The following GPC2 variants were observed in gnomAD, a reference collection of about 807,000 sequenced individuals.
GPC2 encodes glypican 2, also known as glypican-2.
In GPC2, 42 loss-of-function variants were observed where a neutral mutation model predicts 57.3. The ratio of observed to expected loss-of-function variants is 0.73; its 90% CI spans 0.57 to 0.95. The LOEUF is 0.95. Ranked by LOEUF, GPC2 falls within the 40% of genes least tolerant of loss-of-function variation. The pLI is 0.00. For missense variants in GPC2, 745 were observed against 793.6 expected (o/e 0.94, Z 0.74); for synonymous variants, 364 against 343.4 (o/e 1.06, Z -0.66).
chr7:100,176,458 T>C lies in GPC2; in HGVS notation c.167-93A>G. The C allele has an allele frequency of 3.4e-6, 4 of 1,187,930 alleles. No homozygotes were observed. In the East Asian group the frequency reaches 9.4e-5, roughly 28 times the overall value. 73.6% of individuals were successfully genotyped at this position (1,187,930 alleles called of 1,614,324 possible). On this transcript the variant is annotated intron_variant, in intron 1 of 9. Coordinates refer to ENST00000292377, the MANE Select transcript of GPC2 (RefSeq NM_152742.3). ...TCTCTGGGGACTATGCCTTCTCTTC[T>C]ACCTGCCTGGTCTCTTTTCTATTGT...
intron 2 of GPC2, 72 bp from the exon 3 acceptor site, chr7:100,175,966 G>C: frequency 7.9e-7 from 1 of 1,266,754 alleles, no homozygotes; most frequent in South Asian, 1.3e-5. Flanking sequence ...AACAGGCAGA[G>C]GCAGGAGGAG....
chr7:100,174,675 A>C lies in GPC2; in HGVS notation c.729+10T>G, dbSNP rs10252037. Reference sequence around the variant, plus strand: ...CCCTGGGCCCTGCCCATACTCAGGCACCCTCCAACCTTAAGCGCTTCGCTG... The same window carrying C: ...CCCTGGGCCCTGCCCATACTCAGGCCCCCTCCAACCTTAAGCGCTTCGCTG... On this transcript the variant is annotated intron_variant, in intron 4 of 9. Transcript: ENST00000292377. The C allele has an allele frequency of 1, 1,605,799 of 1,606,426 alleles. 802,588 individuals are homozygous for C. The highest frequency in any genetic ancestry group is 1 in the East Asian group (44,840 of 44,840).
In GPC2 at chr7:100,175,575, C is replaced by T. The variant is rs1489484974; in HGVS notation, c.645G>A (p.Leu215=). The T allele has an allele frequency of 3.1e-6, 5 of 1,605,436 alleles. No individual in the cohort carries two copies. The South Asian group carries it at 4.4e-5, about 14-fold the overall frequency. The change falls in exon 3 of 10, where the codon CTG becomes CTA. Residue 215 remains leucine (L), a synonymous_variant. Coordinates refer to ENST00000292377, the MANE Select transcript of GPC2 (RefSeq NM_152742.3). Reference sequence around the variant, plus strand: ...CTCAGGCCTCAGGATCCCTCACCTGCAGGCGGAGGCGGCGGGGTGAGTCCC... The same window carrying T: ...CTCAGGCCTCAGGATCCCTCACCTGTAGGCGGAGGCGGCGGGGTGAGTCCC... ...PFGDSPRRLR[L]QITRTLVAAR...
Position 100,171,505 on chromosome 7 carries a change from C to T in GPC2, c.1310+34G>A. On this transcript the variant is annotated intron_variant, in intron 8 of 9. Coordinates refer to ENST00000292377, the MANE Select transcript of GPC2 (RefSeq NM_152742.3). The surrounding 1 kb of genome is among the most constrained non-coding windows in gnomAD (Gnocchi z 4.8). ...CCCGCCCCTCCCGGCCGCGGTCCCGCCCCCTGCTGCCCCCCGACGCCCCCG... is the reference window on the plus strand; with the variant it reads ...CCCGCCCCTCCCGGCCGCGGTCCCGTCCCCTGCTGCCCCCCGACGCCCCCG... 1.5e-6 allele frequency: 2 copies of T among 1,350,554 alleles called. No homozygotes were observed. Among genetic ancestry groups the T allele is most frequent in the South Asian group, 3.7e-5 (2 of 54,038 alleles). 83.7% of individuals were successfully genotyped at this position (1,350,554 alleles called of 1,614,324 possible). A position where few individuals can be genotyped will look rare whatever the true frequency, so the allele number is the denominator to read the frequency against.
chr7:100,176,080 G>C (rs1799270663), intron 2 of GPC2, 127 bp downstream of exon 2: 2 of 920,376 alleles, frequency 2.2e-6, no homozygotes, highest in Admixed American at 2.6e-5. Context: ...CAGAGTCTGG[G>C]GGGTGGGCGG....
intron 3 of GPC2, among the ~76,000 whole-genome samples, chr7:100,175,002 TAGAG>T (rs199875276): frequency 3.0e-4 from 45 of 152,022 alleles, no homozygotes; most frequent in African/African-American, 1.1e-3. Flanking sequence ...GTACAGGGCT[TAGAG>T]AGAGAGAAAT....
rs746841009 is a variant in GPC2, at chr7:100,176,999, A to G, written c.166+35T>C. ...TGAGGAGGCCCCGCCCCCGCCCCCC[A>G]CCCCCAATTCTCTAGTCTTCCTCTT... On this transcript the variant is annotated intron_variant, in intron 1 of 9. Transcript: ENST00000292377. 5.5e-5 allele frequency: 12 copies of G among 218,252 alleles called. 1 individual carries two copies. Among genetic ancestry groups the G allele is most frequent in the African/African-American group, 1.6e-4 (4 of 24,810 alleles). 13.5% of individuals were successfully genotyped at this position (218,252 alleles called of 1,614,324 possible). A position where few individuals can be genotyped will look rare whatever the true frequency, so the allele number is the denominator to read the frequency against.
intron 4 of GPC2, chr7:100,174,439 C>A: frequency 1.7e-6 from 1 of 599,732 alleles, no homozygotes; most frequent in Non-Finnish European, 3.0e-6. Context: ...GATGAGCAGG[C>A]CCTTGGGGAC....
At position 100,175,632 on chromosome 7, in the gene GPC2, G is replaced by A. The variant is rs142847181; in HGVS notation, c.588C>T (p.Ala196=). The A allele has an allele frequency of 2.3e-4, 365 of 1,614,084 alleles. 1 individual carries two copies. The highest frequency in any genetic ancestry group is 8.3e-4 in the Middle Eastern group (5 of 6,060). Residue 196 remains alanine (A), a synonymous_variant, in exon 3 of 10, where the codon GCC becomes GCT. Transcript: ENST00000292377. ...PDYLLCLSRL[A]SSTDGSLQPF... is the part of the protein sequence containing the mutation. ...GCTGCAGAGAGCCATCGGTAGATGA[G>A]GCCAAGCGTGAGAGGCAGAGCAGGT... is the stretch of plus-strand genomic sequence containing the variant.
chr7:100,172,626 G>A (rs893097163), intron 5 of GPC2, among the ~76,000 whole-genome samples: 8 of 91,316 alleles, frequency 8.8e-5, no homozygotes, highest in Non-Finnish European at 9.0e-5. Flanking sequence ...CCACCATGCC[G>A]GCTAATTTTT....
chr7:100,170,622 G>T, intron 9 of GPC2, 139 bp from the exon 10 acceptor site: 1 of 724,996 alleles, frequency 1.4e-6, no homozygotes, highest in Non-Finnish European at 2.1e-6. Context: ...GGGGAAGGGA[G>T]AAAGACCATG....
Position 100,171,350 on chromosome 7 carries a change from G to A in GPC2, c.1397C>T (p.Pro466Leu). The stretch of plus-strand genomic sequence containing the variant: ...GAGCTGTAGCCGACGCCGCCGTGTC[G>A]GGACATCGGGGCCCGAGGCGTCCAC... The part of the protein sequence containing the change: ...LKVDASGPDV[P>L]TRRRRLQLRA... Residue 466 changes from proline (P) to leucine (L), a missense_variant, in exon 9 of 10, where the codon CCG becomes CTG. Around this residue, in one of 2 missense-constraint regions of GPC2, gnomAD observed 607 missense variants for 603.9 expected, o/e 1.01. Coordinates refer to ENST00000292377, the MANE Select transcript of GPC2 (RefSeq NM_152742.3). The surrounding 1 kb of genome is among the most constrained non-coding windows in gnomAD (Gnocchi z 4.8). 6.5e-7 allele frequency: 1 copy of A among 1,546,014 alleles called. No homozygotes were observed. Among genetic ancestry groups the A allele is most frequent in the Non-Finnish European group, 8.7e-7 (1 of 1,146,014 alleles).
Position 100,171,449 on chromosome 7 carries a change from C to G in GPC2, c.1311-13G>C. 7.2e-7 allele frequency: 1 copy of G among 1,397,146 alleles called. No individual in the cohort carries two copies. 86.5% of individuals were successfully genotyped at this position (1,397,146 alleles called of 1,614,324 possible). ...TGGCGGCAAGTACCTGCGAGCAGAG[C>G]AGCCCCGAAGCGCCAGCTAGCGCGC... On this transcript the variant is annotated splice_polypyrimidine_tract_variant and intron_variant, in intron 8 of 9. Coordinates refer to ENST00000292377, the MANE Select transcript of GPC2 (RefSeq NM_152742.3). This position sits in a 1 kb window ranked among gnomAD's most constrained non-coding sequence, Gnocchi z 4.8.
rs146171263 is a variant in GPC2, at chr7:100,176,351, C to A, written c.181G>T (p.Val61Phe). Residue 61 changes from valine (V) to phenylalanine (F), a missense_variant, in exon 2 of 10, where the codon GTC becomes TTC. Physicochemically the swap from Val to Phe is conservative, Grantham distance 50. This residue lies in a region of GPC2 where 138 missense variants were observed against 189.8 expected (regional missense o/e 0.73). Transcript: ENST00000292377. ...CAGCAGGTGTACTCCTGGGGACAGA[C>A]CCGGAGGTGCTCACCTGGACAGAGG... ...PALISGEHLRVCPQEYTCCSS... is the reference protein window; with the variant it reads ...PALISGEHLRFCPQEYTCCSS... The A allele has an allele frequency of 1.9e-6, 3 of 1,613,824 alleles. No individual in the cohort carries two copies. Among genetic ancestry groups the A allele is most frequent in the South Asian group, 1.1e-5 (1 of 91,070 alleles).
rs747443870 is a variant in GPC2 at position 100,171,945 on chromosome 7, C to T, written c.1024-20G>A. 3 of 1,527,404 alleles carry T rather than the reference C, an allele frequency of 2.0e-6. No homozygotes were observed. The highest frequency in any genetic ancestry group is 3.9e-5 in the Admixed American group (2 of 50,782). 94.6% of individuals were successfully genotyped at this position (1,527,404 alleles called of 1,614,324 possible). A position where few individuals can be genotyped will look rare whatever the true frequency, so the allele number is the denominator to read the frequency against. On this transcript the variant is annotated intron_variant, in intron 6 of 9. Transcript: ENST00000292377. The surrounding 1 kb of genome is among the most constrained non-coding windows in gnomAD (Gnocchi z 4.8). The stretch of plus-strand genomic sequence containing the variant: ...AAACACCTGCGGCACCGGGAAGAGA[C>T]CTCACACAGTCACCCTGGGGGGAAA...
At position 100,170,456 on chromosome 7, in the gene GPC2, C is replaced by G. The variant is rs1401058609; in HGVS notation, c.1514G>C (p.Gly505Ala). The G allele has an allele frequency of 2.6e-6, 4 of 1,564,838 alleles. No individual in the cohort carries two copies. The highest frequency in any genetic ancestry group is 3.5e-6 in the Non-Finnish European group (4 of 1,152,270). Residue 505 changes from glycine (G) to alanine (A), a missense_variant, in exon 10 of 10, where the codon GGA becomes GCA. Physicochemically the swap from Gly to Ala is moderately conservative, Grantham distance 60. This residue lies in a region of GPC2 where 607 missense variants were observed against 603.9 expected (regional missense o/e 1.01). Coordinates refer to ENST00000292377, the MANE Select transcript of GPC2 (RefSeq NM_152742.3). Reference protein sequence around the residue: ...ADEDASGSGGGQQYADDWMAG... With the variant: ...ADEDASGSGGAQQYADDWMAG... The stretch of plus-strand genomic sequence containing the variant: ...CATCCAGTCATCTGCATACTGCTGT[C>G]CCCCTCCAGAGCCGCTGGCATCCTC...
At chr7:100,174,495 A>G (rs762288879) in intron 4 of GPC2, 190 bp downstream of exon 4, 2 of 680,392 alleles carry the variant, frequency 2.9e-6, no homozygotes, top group African/African-American at 3.5e-5. Flanking sequence ...GTCAGAGATC[A>G]TGGATCGTGG....
intron 2 of GPC2, 89 bp downstream of exon 2, chr7:100,176,118 T>C: frequency 7.8e-6 from 10 of 1,284,656 alleles, no homozygotes; most frequent in Non-Finnish European, 9.7e-6. Context: ...TCTTCACAGA[T>C]GGAGTAAGGA....
chr7:100,174,378 G>C (rs1584631798), intron 4 of GPC2: 1 of 533,296 alleles, frequency 1.9e-6, no homozygotes, highest in Non-Finnish European at 3.4e-6. Flanking sequence ...AGTCATTGAG[G>C]GATCCTGGGG....
Sources: allele counts gnomAD v4.1 joint callset (sites outside exome capture counted in the v4.1 genomes callset), GRCh38; gene constraint gnomAD v4.1.1; regional missense constraint gnomAD v4.1.1; non-coding constraint Gnocchi (gnomAD v3.1); transcripts MANE v1.5; gene names NCBI Gene and HGNC (gene_info 2026-07-23, HGNC 2026-07-21).